DNAAF9: variants seen among roughly 807,000 people sequenced by gnomAD.
The protein encoded by DNAAF9 is dynein axonemal assembly factor 9, also known as shulin.
A neutral mutation model predicts 167.0 loss-of-function variants in DNAAF9; 90 were observed. The observed-to-expected ratio is 0.54, with a 90% CI of 0.45 to 0.64. The LOEUF is 0.64. Among genes scored for constraint, DNAAF9 ranks in the 30% least tolerant of loss-of-function variants. The pLI is 0.00. For missense variants in DNAAF9, 1,315 were observed against 1,442.2 expected (o/e 0.91, Z 1.43); for synonymous variants, 491 against 508.8 (o/e 0.96, Z 0.47).
In DNAAF9 at chr20:3,259,561, G is replaced by A. The variant is rs1458644928; in HGVS notation, c.2981-7C>T. The stretch of plus-strand genomic sequence containing the variant: ...TTGATGGAGGACTGAATTGCTGGTG[G>A]AAGAAGAGGACAGCGCTGTCACCCA... On this transcript the variant is annotated splice_region_variant and splice_polypyrimidine_tract_variant and intron_variant, in intron 32 of 36. Transcript: ENST00000252032. 1.9e-6 allele frequency: 3 copies of A among 1,601,456 alleles called. No homozygotes were observed. The highest frequency in any genetic ancestry group is 1.7e-4 in the Middle Eastern group (1 of 6,046).
At chr20:3,353,719 T>C (rs1323610865) in intron 7 of DNAAF9, among the ~76,000 whole-genome samples, 3 of 147,276 alleles carry the variant, frequency 2.0e-5, no homozygotes, top group African/African-American at 7.5e-5. Context: ...AGGAGGTATA[T>C]TTCCACTTAA....
rs772313170 is a variant in DNAAF9 at position 3,256,078 on chromosome 20, G to A, written c.3189C>T (p.Cys1063=). Residue 1063 remains cysteine (C), a synonymous_variant, in exon 34 of 37, where the codon TGC becomes TGT. Coordinates refer to ENST00000252032, the MANE Select transcript of DNAAF9 (RefSeq NM_001009984.3). ...GGGAGCAGCCGATGAACACAAGGTAGCACTCCTGCTGCCCGCTGCTGTCTT... is the reference window on the plus strand; with the variant it reads ...GGGAGCAGCCGATGAACACAAGGTAACACTCCTGCTGCCCGCTGCTGTCTT... ...VSQDSSGQQE[C]YLVFIGCSLK... is the part of the protein sequence containing the mutation. 4 of 1,614,146 alleles carry A rather than the reference G, an allele frequency of 2.5e-6. No homozygotes were observed. Among genetic ancestry groups the A allele is most frequent in the Non-Finnish European group, 3.4e-6 (4 of 1,179,982 alleles).
intron 10 of DNAAF9, among the ~76,000 whole-genome samples, chr20:3,335,195 C>T (rs1289161371): frequency 6.6e-6 from 1 of 152,074 alleles, no homozygotes; most frequent in Non-Finnish European, 1.5e-5. Flanking sequence ...TCTTCCCTTC[C>T]TGATGTTCCA....
At chr20:3,340,328 T>TA (rs201853648) in intron 10 of DNAAF9, among the ~76,000 whole-genome samples, 176 bp downstream of exon 10, 6,839 of 135,294 alleles carry the variant, frequency 0.051, 233 homozygotes, top group African/African-American at 0.11. Context: ...GTTTGTACTA[T>TA]AAAAAAAGTA....
chr20:3,325,297 C>T (rs949516415), intron 13 of DNAAF9, among the ~76,000 whole-genome samples: 1 of 152,188 alleles, frequency 6.6e-6, no homozygotes, highest in Non-Finnish European at 1.5e-5. Context: ...GTGCTTTCTC[C>T]TCCCCTCTTC....
chr20:3,326,747 CAA>C (rs5839993), intron 12 of DNAAF9, among the ~76,000 whole-genome samples: 4,323 of 116,810 alleles, frequency 0.037, 88 homozygotes, highest in African/African-American at 0.068. Context: ...GACCCTGTCT[CAA>C]AAAAAAAAAA....
chr20:3,397,778 C>T (rs1166586812), intron 1 of DNAAF9, among the ~76,000 whole-genome samples: 1 of 151,838 alleles, frequency 6.6e-6, no homozygotes, highest in Non-Finnish European at 1.5e-5. Context: ...TAATAATGAA[C>T]AATTCTTGCA....
chr20:3,338,663 T>C (rs1053616744), intron 10 of DNAAF9, among the ~76,000 whole-genome samples: 66 of 151,214 alleles, frequency 4.4e-4, no homozygotes, highest in African/African-American at 1.6e-3. Context: ...TTTTTTTTTT[T>C]TTTTCTGAGA....
At chr20:3,374,903 G>T (rs1476702473) in intron 5 of DNAAF9, 127 bp downstream of exon 5, 6 of 636,174 alleles carry the variant, frequency 9.4e-6, no homozygotes. Flanking sequence ...AATTCTGCTT[G>T]ATGTCTTTGG....
chr20:3,316,859 A>G lies in DNAAF9; in HGVS notation c.1469-66T>C, dbSNP rs372285235. The G allele has an allele frequency of 2.0e-5, 19 of 943,330 alleles. No individual in the cohort carries two copies. The African/African-American group carries it at 3.1e-4, about 15-fold the overall frequency. The allele number at this position is 943,330 out of a possible 1,614,324, so 58.4% of individuals were successfully genotyped here. ...GCTCAGCCTGCCTTGCAGGCCCCAG[A>G]CCCTAAATGCCCTTCTCAGGAGCTA... On this transcript the variant is annotated intron_variant, in intron 17 of 36. Coordinates refer to ENST00000252032, the MANE Select transcript of DNAAF9 (RefSeq NM_001009984.3).
chr20:3,262,983 T>C (rs2122764391), intron 31 of DNAAF9, among the ~76,000 whole-genome samples: 1 of 138,828 alleles, frequency 7.2e-6, no homozygotes, highest in South Asian at 2.4e-4. Flanking sequence ...TTTTTTTTTT[T>C]TTTTTTTTTG....
At chr20:3,401,258 T>G (rs1367305504) in intron 1 of DNAAF9, among the ~76,000 whole-genome samples, 1 of 152,058 alleles carries the variant, frequency 6.6e-6, no homozygotes, top group African/African-American at 2.4e-5. Context: ...CAGGCTGGAG[T>G]GCAGTGGCGC....
At chr20:3,342,512 ATT>A (rs2123116301) in intron 9 of DNAAF9, among the ~76,000 whole-genome samples, 1 of 152,280 alleles carries the variant, frequency 6.6e-6, no homozygotes, top group Non-Finnish European at 1.5e-5. Flanking sequence ...CTCAGTGAAT[ATT>A]TGATGACTCT....
chr20:3,374,188 T>A (rs1036327680), intron 5 of DNAAF9, 34 bp from the exon 6 acceptor site: 2 of 1,403,008 alleles, frequency 1.4e-6, no homozygotes, highest in Non-Finnish European at 2.0e-6. Context: ...ACATATCAGA[T>A]ACCATCCTGA....
At chr20:3,372,425 C>A (rs1476532076) in intron 6 of DNAAF9, among the ~76,000 whole-genome samples, 1 of 152,248 alleles carries the variant, frequency 6.6e-6, no homozygotes, top group Non-Finnish European at 1.5e-5. Flanking sequence ...TATAGTAACT[C>A]TTCCTTTATG....
intron 12 of DNAAF9, among the ~76,000 whole-genome samples, chr20:3,328,417 T>C (rs2069756830): frequency 6.6e-6 from 1 of 152,174 alleles, no homozygotes; most frequent in Non-Finnish European, 1.5e-5. Flanking sequence ...CCTGACCTTG[T>C]GATCCATCTG....
chr20:3,284,100 T>C (rs1243188859), intron 27 of DNAAF9, among the ~76,000 whole-genome samples: 1 of 149,780 alleles, frequency 6.7e-6, no homozygotes, highest in Non-Finnish European at 1.5e-5. Context: ...CCCATAATCA[T>C]CCTGGGTGAG....
At chr20:3,257,626 G>A (rs6037518) in intron 33 of DNAAF9, among the ~76,000 whole-genome samples, 8 of 151,710 alleles carry the variant, frequency 5.3e-5, no homozygotes, top group Non-Finnish European at 8.8e-5. Flanking sequence ...TCACTGCAAC[G>A]GCCGCCTCCT....
chr20:3,332,470 T>C (rs990178900), intron 10 of DNAAF9, 109 bp from the exon 11 acceptor site: 1 of 578,556 alleles, frequency 1.7e-6, no homozygotes, highest in Non-Finnish European at 3.0e-6. Context: ...TTTTTTTTTT[T>C]TGAGACAGAG....
Sources: gnomAD v4.1 joint callset for allele counts (sites outside exome capture counted in the v4.1 genomes callset) on GRCh38, gnomAD v4.1.1 for gene constraint, MANE v1.5 for transcripts, NCBI Gene and HGNC (gene_info 2026-07-23, HGNC 2026-07-21) for gene names.